Variants in UNC5D observed in about 807,000 individuals in gnomAD.
The protein encoded by UNC5D is netrin receptor UNC5D.
Under a neutral mutation model 105.4 loss-of-function variants are expected in UNC5D, and 39 were observed. That is an observed-to-expected ratio of 0.37 (90% CI 0.29 to 0.48). UNC5D has a LOEUF of 0.48. Ranked by LOEUF, UNC5D falls within the 20% of genes least tolerant of loss-of-function variation. UNC5D has a pLI of 0.98. For missense variants in UNC5D, 991 were observed against 1,202.4 expected (o/e 0.82, Z 2.60); for synonymous variants, 452 against 450.4 (o/e 1.00, Z -0.04).
At chr8:35,612,968 G>C (rs146561139) in intron 4 of UNC5D, among the ~76,000 whole-genome samples, 338 of 152,180 alleles carry the variant, frequency 2.2e-3, no homozygotes, top group African/African-American at 7.7e-3. Context: ...ATGGGATGGG[G>C]AGTGAATGCT....
chr8:35,500,777 G>T, intron 1 of UNC5D, among the ~76,000 whole-genome samples: 1 of 152,300 alleles, frequency 6.6e-6, no homozygotes, highest in Middle Eastern at 3.4e-3. Context: ...GAATGCATGT[G>T]TATGAACGGA....
At chr8:35,753,678 A>G (rs749988321) in intron 13 of UNC5D, among the ~76,000 whole-genome samples, 1 of 152,206 alleles carries the variant, frequency 6.6e-6, no homozygotes, top group Non-Finnish European at 1.5e-5. Context: ...TCTCTCCTAC[A>G]ATGGCAAATA....
At chr8:35,770,357 T>A (rs1801956043) in intron 15 of UNC5D, among the ~76,000 whole-genome samples, 2 of 152,212 alleles carry the variant, frequency 1.3e-5, no homozygotes, top group Non-Finnish European at 2.9e-5. Flanking sequence ...AGGCATTTGA[T>A]CCTTCATGTT....
In UNC5D at chr8:35,789,169, A is replaced by ATATG. The variant is rs1554608593; in HGVS notation, c.2658-1187_2658-1186insGTAT. Among the ~76,000 whole-genome samples the ATATG allele has an allele frequency of 4.2e-5, 4 of 96,096 alleles. No homozygotes were observed. In the East Asian group the frequency reaches 1.3e-3, roughly 30 times the overall value. 63.0% of individuals were successfully genotyped at this position (96,096 alleles called of 152,430 possible). A position where few individuals can be genotyped will look rare whatever the true frequency, so the allele number is the denominator to read the frequency against. ...TATATATATATATATATATATATATATATATATATATATATATATGAGATA... is the reference window on the plus strand; with the variant it reads ...TATATATATATATATATATATATATATATGTATATATATATATATATATGAGATA... On this transcript the variant is annotated intron_variant, in intron 16 of 16. Coordinates refer to ENST00000404895, the MANE Select transcript of UNC5D (RefSeq NM_080872.4).
In UNC5D at chr8:35,525,123, A is replaced by G; in HGVS notation, c.104-24169A>G. 2.5e-6 allele frequency: 4 copies of G among 1,596,428 alleles called. No homozygotes were observed. The South Asian group carries it at 4.4e-5, about 18-fold the overall frequency. ...CCCCCGGCCTGCCTCCGCTGAAGCC[A>G]CCACCAGCGCCTCCTTGGCTGGATG... On this transcript the variant is annotated intron_variant, in intron 1 of 16. Transcript: ENST00000404895.
At chr8:35,347,260 T>G (rs930418989) in intron 1 of UNC5D, among the ~76,000 whole-genome samples, 1 of 152,022 alleles carries the variant, frequency 6.6e-6, no homozygotes, top group Non-Finnish European at 1.5e-5. Context: ...GAGCCAATAA[T>G]CTACCCAAGT....
At chr8:35,540,031 C>A (rs527340807) in intron 1 of UNC5D, among the ~76,000 whole-genome samples, 9 of 152,212 alleles carry the variant, frequency 5.9e-5, no homozygotes, top group African/African-American at 2.2e-4. Flanking sequence ...TTAAAACAAC[C>A]ATTTTTCCAT....
chr8:35,273,585 T>C (rs1805571002), intron 1 of UNC5D, among the ~76,000 whole-genome samples: 3 of 152,138 alleles, frequency 2.0e-5, no homozygotes, highest in Admixed American at 1.3e-4. Context: ...TTTAGAAAGC[T>C]CCCCAAAAGG....
intron 1 of UNC5D, among the ~76,000 whole-genome samples, chr8:35,437,193 A>G (rs1807075154): frequency 6.6e-6 from 1 of 151,970 alleles, no homozygotes; most frequent in Non-Finnish European, 1.5e-5. Flanking sequence ...TAGAATGGAT[A>G]TTGCATTTAT....
chr8:35,790,860 G>A lies in UNC5D; in HGVS notation c.*297G>A, dbSNP rs1238438128. The stretch of plus-strand genomic sequence containing the variant: ...GAGGGCAGAAGTAGCTGTGGGAAAA[G>A]ATGAGCTATGATAATGCTGGGAAGG... On this transcript the variant is annotated 3_prime_UTR_variant, in exon 17 of 17. Coordinates refer to ENST00000404895, the MANE Select transcript of UNC5D (RefSeq NM_080872.4). The A allele has an allele frequency of 7.1e-6, 3 of 421,470 alleles. No individual in the cohort carries two copies. The highest frequency in any genetic ancestry group is 1.3e-5 in the Non-Finnish European group (3 of 230,976). The allele number at this position is 421,470 out of a possible 1,614,324, so 26.1% of individuals were successfully genotyped here.
intron 11 of UNC5D, among the ~76,000 whole-genome samples, chr8:35,748,064 T>C (rs2131631560): frequency 2.0e-5 from 3 of 152,362 alleles, no homozygotes; most frequent in African/African-American, 7.2e-5. Flanking sequence ...TGCTTCATAA[T>C]AATTTGCTTT....
intron 10 of UNC5D, among the ~76,000 whole-genome samples, chr8:35,729,978 G>A (rs922180153): frequency 6.6e-6 from 1 of 152,182 alleles, no homozygotes; most frequent in South Asian, 2.1e-4. Flanking sequence ...CATAGAAGGA[G>A]ATCAGGAAAG....
At chr8:35,356,150 TTATTC>T (rs960281853) in intron 1 of UNC5D, among the ~76,000 whole-genome samples, 51 of 152,292 alleles carry the variant, frequency 3.3e-4, no homozygotes, top group African/African-American at 1.1e-3. Context: ...ACTAAGACAC[TTATTC>T]TATCAGTATG....
intron 1 of UNC5D, among the ~76,000 whole-genome samples, chr8:35,304,707 A>C (rs548698566): frequency 6.6e-6 from 1 of 152,248 alleles, no homozygotes; most frequent in South Asian, 2.1e-4. Flanking sequence ...TTCGTTTTCT[A>C]TATGAAATGT....
chr8:35,667,190 C>T (rs1824480472), intron 4 of UNC5D, among the ~76,000 whole-genome samples: 1 of 151,812 alleles, frequency 6.6e-6, no homozygotes, highest in Non-Finnish European at 1.5e-5. Flanking sequence ...ATATAGATTG[C>T]AGAAAATAGG....
chr8:35,745,090 C>T (rs137920617), intron 11 of UNC5D, among the ~76,000 whole-genome samples: 3 of 152,024 alleles, frequency 2.0e-5, no homozygotes, highest in Middle Eastern at 3.4e-3. Context: ...AAGGAGCTTA[C>T]ATTCTAGTTT....
intron 3 of UNC5D, among the ~76,000 whole-genome samples, chr8:35,587,567 G>T (rs1359480124): frequency 2.0e-5 from 3 of 152,072 alleles, no homozygotes; most frequent in Non-Finnish European, 4.4e-5. Context: ...GAAAAGTTTT[G>T]CCCTCATGTG....
At chr8:35,752,929 A>G (rs192279119) in intron 13 of UNC5D, among the ~76,000 whole-genome samples, 2 of 152,258 alleles carry the variant, frequency 1.3e-5, no homozygotes, top group African/African-American at 2.4e-5. Context: ...GGAGCTGCTC[A>G]CACAATTGTC....
chr8:35,598,884 T>C (rs912074434), intron 4 of UNC5D, among the ~76,000 whole-genome samples: 2 of 152,146 alleles, frequency 1.3e-5, no homozygotes, highest in Non-Finnish European at 2.9e-5. Context: ...GGCTCATGCC[T>C]GTAATCCCAG....
Sources: gnomAD v4.1 joint callset for allele counts (sites outside exome capture counted in the v4.1 genomes callset) on GRCh38, gnomAD v4.1.1 for gene constraint, MANE v1.5 for transcripts, NCBI Gene and HGNC (gene_info 2026-07-23, HGNC 2026-07-21) for gene names.